LLGL1: variants seen among roughly 807,000 people sequenced by gnomAD.
LLGL1 encodes the protein lethal(2) giant larvae protein homolog 1.
A neutral mutation model predicts 110.6 loss-of-function variants in LLGL1; 58 were observed. That is an observed-to-expected ratio of 0.52 (90% CI 0.42 to 0.65). LLGL1 has a LOEUF of 0.65. LLGL1 is among the 30% of genes least tolerant of loss of function. LLGL1 has a pLI of 0.00. For synonymous variants in LLGL1, 674 were observed against 607.2 expected (o/e 1.11, Z -1.62); for missense variants, 1,229 against 1,462.1 (o/e 0.84, Z 2.60).
Position 18,236,736 on chromosome 17 carries a change from G to T in LLGL1, c.1482G>T (p.Glu494Asp), listed in dbSNP as rs1567691558. The T allele has an allele frequency of 6.2e-7, 1 of 1,612,526 alleles. No individual in the cohort carries two copies. The highest frequency in any genetic ancestry group is 8.5e-7 in the Non-Finnish European group (1 of 1,180,000). The change falls in exon 12 of 23, where the codon GAG becomes GAT. Residue 494 changes from glutamate to aspartate, a missense_variant. Coordinates refer to ENST00000316843, the MANE Select transcript of LLGL1 (RefSeq NM_004140.4). ...EHADSLAQAA[E>D]DDWPPFRKVG... is the part of the protein sequence containing the mutation. The stretch of plus-strand genomic sequence containing the variant: ...CTGACAGCCTGGCCCAGGCTGCCGA[G>T]GACGACTGGCCACCCTTCCGCAAGG...
chr17:18,226,316 C>G (rs931925153), intron 1 of LLGL1, among the ~76,000 whole-genome samples: 1 of 152,154 alleles, frequency 6.6e-6, no homozygotes, highest in Non-Finnish European at 1.5e-5. Context: ...TCTCTTTATC[C>G]TTTTTCTTAG....
chr17:18,237,646 G>A lies in LLGL1; in HGVS notation c.1777G>A (p.Val593Met). Residue 593 changes from valine to methionine, a missense_variant, in exon 14 of 23, where the codon GTG (valine) becomes ATG (methionine). Transcript: ENST00000316843. ...WPAGFQPRVLVQCLPPAAVTA... is the reference protein window; with the variant it reads ...WPAGFQPRVLMQCLPPAAVTA... ...TGCTGGCTTCCAGCCCCGTGTCCTG[G>A]TGCAGTGCCTGCCGCCAGCTGCTGT... The A allele has an allele frequency of 6.2e-7, 1 of 1,612,114 alleles. No individual in the cohort carries two copies. Among genetic ancestry groups the A allele is most frequent in the Non-Finnish European group, 8.5e-7 (1 of 1,179,958 alleles).
intron 15 of LLGL1, 93 bp from the exon 16 acceptor site, chr17:18,238,363 G>A: frequency 1.3e-6 from 2 of 1,565,762 alleles, no homozygotes; most frequent in African/African-American, 2.7e-5. Context: ...TAAGCTGGGT[G>A]GTAGAGGAAT....
In LLGL1 at chr17:18,232,808, G is replaced by A. The variant is rs1198392765; in HGVS notation, c.392+6G>A. The stretch of plus-strand genomic sequence containing the variant: ...CCCGGCTTTGATGGTGCCAGGTACT[G>A]GAGAACTTGGCTGGGGCCAGCCACC... On this transcript the variant is annotated splice_donor_region_variant and intron_variant, in intron 4 of 22. Coordinates refer to ENST00000316843, the MANE Select transcript of LLGL1 (RefSeq NM_004140.4). 3.7e-6 allele frequency: 6 copies of A among 1,613,786 alleles called. No homozygotes were observed. The highest frequency in any genetic ancestry group is 4.2e-6 in the Non-Finnish European group (5 of 1,179,986).
chr17:18,241,314 G>GT, intron 17 of LLGL1, 137 bp from the exon 18 acceptor site: 1 of 1,090,126 alleles, frequency 9.2e-7, no homozygotes, highest in Non-Finnish European at 1.3e-6. Context: ...GGGCAGCCAG[G>GT]TGTACAGGCA....
chr17:18,241,369 T>C (rs2605138), intron 17 of LLGL1, 82 bp from the exon 18 acceptor site: 484,715 of 1,499,472 alleles, frequency 0.32, 82,239 homozygotes, highest in Non-Finnish European at 0.35. Flanking sequence ...GTGGGGGCTG[T>C]TGGGTCAGCA....
Position 18,235,695 on chromosome 17 carries a change from C to T in LLGL1, c.1352+158C>T, listed in dbSNP as rs1235482601. 16 of 677,776 alleles carry T rather than the reference C, an allele frequency of 2.4e-5. No individual in the cohort carries two copies. In the Admixed American group the frequency reaches 4.6e-4, roughly 20 times the overall value. The allele number at this position is 677,776 out of a possible 1,614,324, so 42.0% of individuals were successfully genotyped here. A position where few individuals can be genotyped will look rare whatever the true frequency, so the allele number is the denominator to read the frequency against. On this transcript the variant is annotated intron_variant, in intron 11 of 22. Transcript: ENST00000316843. Reference sequence around the variant, plus strand: ...CCAAGGTGGTTTGGAATGAAACCTCCCTGGACCTTGGTTCAAGGTGCTGCC... The same window carrying T: ...CCAAGGTGGTTTGGAATGAAACCTCTCTGGACCTTGGTTCAAGGTGCTGCC...
rs111836247 is a variant in LLGL1, at chr17:18,238,493, G to A, written c.2090G>A (p.Cys697Tyr). The A allele has an allele frequency of 4.9e-3, 7,852 of 1,612,180 alleles. 148 individuals carry two copies. The African/African-American group carries it at 0.053, about 11-fold the overall frequency. ...EANAQLAEQA[C>Y]PHDVEMTPVQ... is the part of the protein sequence containing the mutation. Reference sequence around the variant, plus strand: ...AATGCACAGCTGGCTGAGCAGGCCTGCCCCCACGACGTGGAGATGACGCCC... The same window carrying A: ...AATGCACAGCTGGCTGAGCAGGCCTACCCCCACGACGTGGAGATGACGCCC... The change falls in exon 16 of 23, where the codon TGC becomes TAC. Residue 697 changes from cysteine to tyrosine, a missense_variant. Transcript: ENST00000316843.
At chr17:18,231,485 C>T (rs115766836) in intron 2 of LLGL1, among the ~76,000 whole-genome samples, 2,913 of 152,282 alleles carry the variant, frequency 0.019, 94 homozygotes, top group African/African-American at 0.066. Context: ...GCCCTGCTGT[C>T]CACCATCAGC....
At chr17:18,231,316 G>A (rs999756650) in intron 2 of LLGL1, among the ~76,000 whole-genome samples, 1 of 152,136 alleles carries the variant, frequency 6.6e-6, no homozygotes, top group African/African-American at 2.4e-5. Flanking sequence ...CCTGGTTCCC[G>A]CCCAGCTGCT....
In LLGL1 at chr17:18,236,922, G is replaced by A. The variant is rs1393148003; in HGVS notation, c.1594G>A (p.Ala532Thr). 6.2e-7 allele frequency: 1 copy of A among 1,613,266 alleles called. No homozygotes were observed. The part of the protein sequence containing the change: ...LCKYTAQMVV[A>T]GTAGQVLVLE... The stretch of plus-strand genomic sequence containing the variant: ...CAAGTATACAGCCCAGATGGTGGTG[G>A]CTGGCACTGCAGGCCAGGTAGGGCT... Residue 532 changes from alanine to threonine, a missense_variant, in exon 13 of 23, where the codon GCT becomes ACT. Transcript: ENST00000316843.
In LLGL1 at chr17:18,234,007, C is replaced by G. The variant is rs752700271; in HGVS notation, c.552-6C>G. The G allele has an allele frequency of 6.3e-7, 1 of 1,593,614 alleles. No homozygotes were observed. The highest frequency in any genetic ancestry group is 1.3e-5 in the African/African-American group (1 of 74,806). On this transcript the variant is annotated splice_region_variant and splice_polypyrimidine_tract_variant and intron_variant, in intron 5 of 22. Transcript: ENST00000316843. The stretch of plus-strand genomic sequence containing the variant: ...GTTCTGCTGGCTCACCTGCCTTCCT[C>G]CACAGCGTGCCAGACGACTACCGCT...
chr17:18,238,377 A>T, intron 15 of LLGL1, 79 bp from the exon 16 acceptor site: 1 of 1,568,228 alleles, frequency 6.4e-7, no homozygotes, highest in African/African-American at 1.3e-5. Context: ...GAGGAATGGT[A>T]ACAGAACGTA....
At chr17:18,243,714 G>A (rs1415817022) in intron 22 of LLGL1, among the ~76,000 whole-genome samples, 194 bp from the exon 23 acceptor site, 2 of 152,226 alleles carry the variant, frequency 1.3e-5, no homozygotes, top group Non-Finnish European at 2.9e-5. Flanking sequence ...TGGCCTCAGT[G>A]GGGCATATGT....
chr17:18,238,008 G>A, intron 14 of LLGL1, 59 bp from the exon 15 acceptor site: 1 of 1,585,102 alleles, frequency 6.3e-7, no homozygotes, highest in South Asian at 1.1e-5. Flanking sequence ...GCCAGCAGGA[G>A]TGTGGTGGCT....
intron 16 of LLGL1, among the ~76,000 whole-genome samples, chr17:18,238,918 G>A (rs1374500000): frequency 1.3e-5 from 2 of 152,200 alleles, no homozygotes; most frequent in African/African-American, 2.4e-5. Flanking sequence ...GGCTGAGGCA[G>A]GAGAATTGCT....
intron 2 of LLGL1, 22 bp from the exon 3 acceptor site, chr17:18,232,473 C>T (rs1193265420): frequency 1.9e-6 from 3 of 1,607,954 alleles, no homozygotes; most frequent in Admixed American, 3.3e-5. Context: ...TGCCTATTTC[C>T]ACCTTGACCT....
In LLGL1 at chr17:18,240,570, T is replaced by C; in HGVS notation, c.2207-8T>C. 6.3e-7 allele frequency: 1 copy of C among 1,583,746 alleles called. No homozygotes were observed. Among genetic ancestry groups the C allele is most frequent in the Non-Finnish European group, 8.6e-7 (1 of 1,161,260 alleles). ...GGGAGCACCCTCCTACGCGCTTGTT[T>C]TCTGCAGGGGCCCACCACGGGCCCA... On this transcript the variant is annotated splice_region_variant and splice_polypyrimidine_tract_variant and intron_variant, in intron 16 of 22. Transcript: ENST00000316843. This position sits in a 1 kb window ranked among gnomAD's most constrained non-coding sequence, Gnocchi z 5.3.
Position 18,242,140 on chromosome 17 carries a change from TCCCCATCATGG to T in LLGL1, c.2883-18_2883-8del, listed in dbSNP as rs765877920. On this transcript the variant is annotated splice_polypyrimidine_tract_variant and intron_variant, in intron 19 of 22. Coordinates refer to ENST00000316843, the MANE Select transcript of LLGL1 (RefSeq NM_004140.4). ...CCAGCCTCAAGTCATCCACCTATGG[TCCCCATCATGG>T]CCCCATCTCTGCAGTTACAGGATCC... 7.6e-5 allele frequency: 121 copies of T among 1,586,050 alleles called. No individual in the cohort carries two copies. The highest frequency in any genetic ancestry group is 1.0e-4 in the Non-Finnish European group (116 of 1,155,078).
Sources: allele counts gnomAD v4.1 joint callset (sites outside exome capture counted in the v4.1 genomes callset), GRCh38; gene constraint gnomAD v4.1.1; non-coding constraint Gnocchi (gnomAD v3.1); transcripts MANE v1.5; gene names NCBI Gene and HGNC (gene_info 2026-07-23, HGNC 2026-07-21).